Variants in TTC3 observed in about 807,000 individuals in gnomAD.
TTC3 encodes tetratricopeptide repeat domain 3, also known as E3 ubiquitin-protein ligase TTC3.
Under a neutral mutation model 249.6 loss-of-function variants are expected in TTC3, and 180 were observed. That is an observed-to-expected ratio of 0.72 (90% CI 0.64 to 0.82). TTC3 has a LOEUF of 0.82. Among genes scored for constraint, TTC3 ranks in the 40% least tolerant of loss-of-function variants. The pLI, the probability that TTC3 is intolerant of heterozygous loss-of-function variation, is 0.00. For synonymous variants in TTC3, 717 were observed against 805.0 expected (o/e 0.89, Z 1.85); for missense variants, 2,061 against 2,398.4 (o/e 0.86, Z 2.94).
At position 37,152,933 on chromosome 21, in the gene TTC3, A is replaced by G. The variant is rs755129714; in HGVS notation, c.2414-18A>G. On this transcript the variant is annotated intron_variant, in intron 26 of 45. Transcript: ENST00000355666. ...ATTAGTCCTATTTATCACTTTAACCATTGTTATTTATCCTTAGAAACTGTA... is the reference window on the plus strand; with the variant it reads ...ATTAGTCCTATTTATCACTTTAACCGTTGTTATTTATCCTTAGAAACTGTA... The G allele has an allele frequency of 6.5e-7, 1 of 1,546,202 alleles. No homozygotes were observed. The highest frequency in any genetic ancestry group is 1.3e-5 in the South Asian group (1 of 77,424).
chr21:37,075,378 C>CA (rs2070703596), intron 1 of TTC3, among the ~76,000 whole-genome samples: 1 of 152,158 alleles, frequency 6.6e-6, no homozygotes, highest in Non-Finnish European at 1.5e-5. Flanking sequence ...TATCTTTGTA[C>CA]TTGTCTGCTT....
At chr21:37,157,205 G>T in intron 28 of TTC3, 1 of 1,337,392 alleles carries the variant, frequency 7.5e-7, no homozygotes, top group Non-Finnish European at 9.9e-7. Flanking sequence ...TACACTGACA[G>T]AATCTATTAG....
At chr21:37,094,828 G>A (rs2147714809) in intron 8 of TTC3, among the ~76,000 whole-genome samples, 1 of 152,216 alleles carries the variant, frequency 6.6e-6, no homozygotes, top group Non-Finnish European at 1.5e-5. Flanking sequence ...ATTCAAGACA[G>A]GTTTATTTAA....
intron 32 of TTC3, 100 bp from the exon 33 acceptor site, chr21:37,165,450 T>G: frequency 1.1e-6 from 1 of 883,444 alleles, no homozygotes; most frequent in Non-Finnish European, 1.8e-6. Flanking sequence ...CAGTGAAAAG[T>G]GAAACAGTGT....
chr21:37,178,172 G>A (rs537049596), intron 35 of TTC3, among the ~76,000 whole-genome samples: 7 of 152,182 alleles, frequency 4.6e-5, no homozygotes, highest in Admixed American at 4.6e-4. Flanking sequence ...TTTTACTGTG[G>A]AATAATATTC....
At chr21:37,147,505 G>C (rs144650334) in exon 22 of TTC3, 2 of 1,607,422 alleles carry the variant, frequency 1.2e-6, no homozygotes, top group African/African-American at 2.7e-5. Context: ...ATTTGTTGAA[G>C]AATGCAAGTT....
chr21:37,172,678 A>C lies in TTC3; in HGVS notation c.4551A>C (p.Lys1517Asn), dbSNP rs369807910. ...TGTATGAAAATTATGAGCAGATAAAACTTAAGGGCTTAGAAGAGACCAGGG... is the reference window on the plus strand; with the variant it reads ...TGTATGAAAATTATGAGCAGATAAACCTTAAGGGCTTAGAAGAGACCAGGG... Residue 1517 changes from lysine (K) to asparagine (N), a missense_variant, in exon 35 of 46, where the codon AAA (lysine) becomes AAC (asparagine). Physicochemically the swap from Lys to Asn is moderately conservative, Grantham distance 94. Coordinates refer to ENST00000355666, the Ensembl canonical transcript of TTC3. 8 of 1,614,112 alleles carry C rather than the reference A, an allele frequency of 5.0e-6. No homozygotes were observed. The highest frequency in any genetic ancestry group is 6.8e-6 in the Non-Finnish European group (8 of 1,179,982).
chr21:37,108,063 C>T (rs7279648), intron 10 of TTC3: 24,233 of 174,620 alleles, frequency 0.14, 1,876 homozygotes, highest in African/African-American at 0.17. Flanking sequence ...CCAGCCTGGG[C>T]GACAGAGCGA....
intron 10 of TTC3, among the ~76,000 whole-genome samples, chr21:37,104,210 G>A (rs1391350329): frequency 6.6e-6 from 1 of 152,142 alleles, no homozygotes; most frequent in Non-Finnish European, 1.5e-5. Context: ...ATGGATTATG[G>A]GCCTACTCAC....
intron 1 of TTC3, chr21:37,085,822 C>T (rs1054465922): frequency 6.6e-6 from 1 of 152,164 alleles, no homozygotes; most frequent in African/African-American, 2.4e-5. Flanking sequence ...TGAAACGTGA[C>T]AGTAACCAAG....
chr21:37,169,797 A>G (rs911555766), intron 34 of TTC3, among the ~76,000 whole-genome samples: 16 of 151,938 alleles, frequency 1.1e-4, no homozygotes, highest in Non-Finnish European at 1.8e-4. Flanking sequence ...GCAGTGAGCC[A>G]AGATTGCGCC....
intron 1 of TTC3, among the ~76,000 whole-genome samples, chr21:37,080,604 A>G (rs909945500): frequency 6.6e-6 from 1 of 152,170 alleles, no homozygotes; most frequent in Non-Finnish European, 1.5e-5. Context: ...GATTTCCTGT[A>G]GTTCTAACAA....
chr21:37,088,067 A>T, intron 3 of TTC3, 129 bp from the exon 4 acceptor site: 1 of 998,000 alleles, frequency 1.0e-6, no homozygotes, highest in Non-Finnish European at 1.4e-6. Context: ...TTAACATTTA[A>T]CAGGCTAGAA....
chr21:37,091,150 C>A, intron 6 of TTC3, 143 bp from the exon 7 acceptor site: 1 of 757,974 alleles, frequency 1.3e-6, no homozygotes, highest in Non-Finnish European at 2.2e-6. Context: ...CTCTAAGTTA[C>A]ATGCCAGAGT....
intron 17 of TTC3, among the ~76,000 whole-genome samples, chr21:37,133,430 T>A (rs956637754): frequency 1.2e-4 from 18 of 152,366 alleles, no homozygotes; most frequent in African/African-American, 4.3e-4. Context: ...TTTGAGAATT[T>A]CTTAAAGTTG....
chr21:37,144,429 A>G (rs2078803662), intron 20 of TTC3, 96 bp from the exon 21 acceptor site: 3 of 1,395,340 alleles, frequency 2.2e-6, no homozygotes, highest in Admixed American at 2.3e-5. Context: ...CATCAAATGT[A>G]TTCGTCCCAG....
In TTC3 at chr21:37,126,005, C is replaced by A. The variant is rs2077012603; in HGVS notation, c.1234-75C>A. ...ATTCTATCCTATTCTATTCTAAATT[C>A]TTTTATATAGCTATTGAATTCTTCA... On this transcript the variant is annotated intron_variant, in intron 14 of 45. Transcript: ENST00000355666. The A allele has an allele frequency of 8.7e-6, 12 of 1,384,526 alleles. No individual in the cohort carries two copies. In the South Asian group the frequency reaches 1.6e-4, roughly 18 times the overall value. 85.8% of individuals were successfully genotyped at this position (1,384,526 alleles called of 1,614,324 possible).
intron 44 of TTC3, among the ~76,000 whole-genome samples, chr21:37,198,676 A>G (rs2085175482): frequency 1.3e-5 from 2 of 152,248 alleles, no homozygotes; most frequent in African/African-American, 4.8e-5. Flanking sequence ...ATTACATACA[A>G]TAGAAAATAC....
At chr21:37,161,447 T>C (rs149176856) in intron 30 of TTC3, among the ~76,000 whole-genome samples, 1,526 of 152,316 alleles carry the variant, frequency 0.01, 16 homozygotes, top group East Asian at 0.03. Context: ...AGCTAATTTT[T>C]TGTATTTTTT....
Sources: allele counts gnomAD v4.1 joint callset (sites outside exome capture counted in the v4.1 genomes callset), GRCh38; gene constraint gnomAD v4.1.1; transcripts MANE v1.5; gene names NCBI Gene and HGNC (gene_info 2026-07-23, HGNC 2026-07-21).